CLNK: variants seen among roughly 807,000 people sequenced by gnomAD.
CLNK encodes cytokine dependent hematopoietic cell linker, also known as cytokine-dependent hematopoietic cell linker.
In CLNK, 74 loss-of-function variants were observed where a neutral mutation model predicts 68.6. The observed-to-expected ratio is 1.08, with a 90% CI of 0.89 to 1.31. The LOEUF (loss-of-function observed/expected upper bound fraction) is 1.31. CLNK is among the 50% of genes most tolerant of loss of function. The pLI is 0.00. For missense variants in CLNK, 553 were observed against 515.3 expected (o/e 1.07, Z -0.71); for synonymous variants, 198 against 172.2 (o/e 1.15, Z -1.17).
chr4:10,508,735 C>CCATCCCTA (rs1204395228), intron 16 of CLNK, among the ~76,000 whole-genome samples: 2 of 152,124 alleles, frequency 1.3e-5, no homozygotes, highest in African/African-American at 4.8e-5. Flanking sequence ...GCATGTCAAT[C>CCATCCCTA]CATCCCTACA....
chr4:10,621,034 C>T (rs947678610), intron 2 of CLNK, among the ~76,000 whole-genome samples: 9 of 152,136 alleles, frequency 5.9e-5, no homozygotes, highest in African/African-American at 1.7e-4. Context: ...GGCGTGAACC[C>T]GGGAGACAGA....
intron 2 of CLNK, among the ~76,000 whole-genome samples, chr4:10,650,225 A>G (rs1301780302): frequency 6.6e-6 from 1 of 152,194 alleles, no homozygotes; most frequent in East Asian, 1.9e-4. Flanking sequence ...GAGTGAAGAA[A>G]TAGAAACTCT....
rs140470218 is a variant in CLNK, at chr4:10,622,165, C to G, written c.12-24116G>C. Among the ~76,000 whole-genome samples, 838 of 152,186 alleles carry G rather than the reference C, an allele frequency of 5.5e-3. 11 individuals carry two copies. Among genetic ancestry groups the G allele is most frequent in the African/African-American group, 0.019 (800 of 41,526 alleles). The stretch of plus-strand genomic sequence containing the variant: ...CTTAAAAGTCTTTGCATTCTCTTCC[C>G]CTTTATTTGGTAAATACCATATAGA... On this transcript the variant is annotated intron_variant, in intron 2 of 18. Transcript: ENST00000226951.
intron 8 of CLNK, among the ~76,000 whole-genome samples, chr4:10,550,977 C>A (rs4697756): frequency 0.97 from 147,807 of 152,290 alleles, 71,879 homozygotes; most frequent in East Asian, 1. Flanking sequence ...AGCAATTAAC[C>A]GGTGGATAAT....
chr4:10,548,639 A>G (rs1416872893), intron 8 of CLNK, among the ~76,000 whole-genome samples: 2 of 152,192 alleles, frequency 1.3e-5, no homozygotes, highest in African/African-American at 2.4e-5. Context: ...AGTTTTGGGT[A>G]TACCCCAAGT....
intron 14 of CLNK, chr4:10,523,861 C>T: frequency 3.4e-6 from 1 of 292,414 alleles, no homozygotes; most frequent in South Asian, 2.9e-5. Context: ...CCCTTCTCTA[C>T]AAAGAGTACA....
In CLNK at chr4:10,591,290, G is replaced by A. The variant is rs555482231; in HGVS notation, c.84-6335C>T. Among the ~76,000 whole-genome samples, 33 of 152,222 alleles carry A rather than the reference G, an allele frequency of 2.2e-4. No individual in the cohort carries two copies. In the South Asian group the frequency reaches 6.2e-3, roughly 29 times the overall value. ...ATAGGTATGATGGCCTGGACAGACC[G>A]TTTATCTTGTTTCCCATGTGGCCAC... On this transcript the variant is annotated intron_variant, in intron 3 of 18. Coordinates refer to ENST00000226951, the MANE Select transcript of CLNK (RefSeq NM_052964.4).
At chr4:10,505,323 T>C (rs896617629) in intron 17 of CLNK, among the ~76,000 whole-genome samples, 2 of 152,254 alleles carry the variant, frequency 1.3e-5, no homozygotes, top group African/African-American at 4.8e-5. Context: ...AAAAGAGCAC[T>C]GATCTTGAAT....
At chr4:10,569,460 C>T (rs1326948158) in intron 5 of CLNK, among the ~76,000 whole-genome samples, 1 of 152,182 alleles carries the variant, frequency 6.6e-6, no homozygotes, top group East Asian at 1.9e-4. Flanking sequence ...GGGGATAGTT[C>T]TCGCCAACCC....
At chr4:10,712,842 C>A in the CLNK span, among the ~76,000 whole-genome samples, 1 of 152,180 alleles carries the variant, frequency 6.6e-6, no homozygotes, top group African/African-American at 2.4e-5. Context: ...CCAACTGATG[C>A]CCACCAGACA....
chr4:10,669,014 C>G (rs967297468), intron 1 of CLNK, among the ~76,000 whole-genome samples: 2 of 152,130 alleles, frequency 1.3e-5, no homozygotes, highest in Non-Finnish European at 2.9e-5. Context: ...TGACCGAGAA[C>G]ACCCATCCCG....
chr4:10,542,093 C>A (rs1272355285), intron 9 of CLNK, 52 bp from the exon 10 acceptor site: 4 of 1,450,618 alleles, frequency 2.8e-6, no homozygotes, highest in Non-Finnish European at 3.8e-6. Context: ...GTGAGCAGGG[C>A]CAATGGCTAA....
chr4:10,659,728 A>G (rs1193072626), intron 2 of CLNK, among the ~76,000 whole-genome samples: 1 of 152,186 alleles, frequency 6.6e-6, no homozygotes, highest in Non-Finnish European at 1.5e-5. Flanking sequence ...CTTATTTGTG[A>G]CCTGATCTCT....
chr4:10,708,601 A>G, the CLNK span, among the ~76,000 whole-genome samples: 7 of 152,170 alleles, frequency 4.6e-5, no homozygotes, highest in African/African-American at 1.7e-4. Flanking sequence ...TGCAGAGGAG[A>G]GCAGAGGCCA....
intron 5 of CLNK, among the ~76,000 whole-genome samples, chr4:10,570,193 C>A (rs1720287675): frequency 6.6e-6 from 1 of 152,200 alleles, no homozygotes; most frequent in African/African-American, 2.4e-5. Context: ...TAGGGCATAG[C>A]CTCTTGGGGG....
At chr4:10,680,777 T>C (rs1205231713) in intron 1 of CLNK, among the ~76,000 whole-genome samples, 1 of 152,152 alleles carries the variant, frequency 6.6e-6, no homozygotes, top group Non-Finnish European at 1.5e-5. Context: ...GTTAAATAAC[T>C]TGTCTAAAAC....
At chr4:10,649,739 T>C (rs1037677908) in intron 2 of CLNK, among the ~76,000 whole-genome samples, 2 of 151,786 alleles carry the variant, frequency 1.3e-5, no homozygotes, top group Non-Finnish European at 2.9e-5. Context: ...ATCTGAGTAA[T>C]GTAAGGAAGG....
At chr4:10,633,035 T>C (rs747277634) in intron 2 of CLNK, among the ~76,000 whole-genome samples, 3 of 152,182 alleles carry the variant, frequency 2.0e-5, no homozygotes, top group Admixed American at 6.5e-5. Flanking sequence ...CCTCCTGGGT[T>C]CAAGCAATTC....
chr4:10,557,677 G>T (rs1719730871), intron 8 of CLNK, among the ~76,000 whole-genome samples: 1 of 152,216 alleles, frequency 6.6e-6, no homozygotes, highest in South Asian at 2.1e-4. Flanking sequence ...ATTTGAGTGT[G>T]CTGTCTATTC....
Sources: gnomAD v4.1 joint callset for allele counts (sites outside exome capture counted in the v4.1 genomes callset) on GRCh38, gnomAD v4.1.1 for gene constraint, MANE v1.5 for transcripts, NCBI Gene and HGNC (gene_info 2026-07-23, HGNC 2026-07-21) for gene names.